The following KLF8 variants were observed in gnomAD, a reference collection of about 807,000 sequenced individuals.
KLF8 encodes the protein Krueppel-like factor 8.
A neutral mutation model predicts 18.2 loss-of-function variants in KLF8; 10 were observed. The ratio of observed to expected loss-of-function variants is 0.55; its 90% CI spans 0.34 to 0.93. The LOEUF (loss-of-function observed/expected upper bound fraction) is 0.93. Ranked by LOEUF, KLF8 falls within the 40% of genes least tolerant of loss-of-function variation. KLF8 has a pLI of 0.02. For synonymous variants in KLF8, 109 were observed against 97.3 expected (o/e 1.12, Z -0.71); for missense variants, 264 against 277.9 (o/e 0.95, Z 0.36).
the KLF8 span, among the ~76,000 whole-genome samples, chrX:56,135,650 T>C: frequency 1.8e-5 from 2 of 110,124 alleles, no homozygotes; most frequent in East Asian, 5.7e-4. Context: ...TGTATACATA[T>C]GTAACTAACC....
At chrX:55,939,780 A>G in the KLF8 span, among the ~76,000 whole-genome samples, 392 of 112,205 alleles carry the variant, frequency 3.5e-3, 1 homozygote, top group Middle Eastern at 0.014. Context: ...ATCTGGAAGA[A>G]ATGGATAAAT....
the KLF8 span, among the ~76,000 whole-genome samples, chrX:56,107,949 T>A: frequency 8.9e-6 from 1 of 112,036 alleles, no homozygotes; most frequent in Admixed American, 9.5e-5. Flanking sequence ...TATTCCCAAT[T>A]TTTATTTGTA....
At chrX:56,271,002 C>G (rs750056698) in intron 5 of KLF8, among the ~76,000 whole-genome samples, 88 of 111,636 alleles carry the variant, frequency 7.9e-4, no homozygotes, top group African/African-American at 2.7e-3. Context: ...ACAAAAATAA[C>G]AATACAACAA....
the KLF8 span, among the ~76,000 whole-genome samples, chrX:56,118,514 T>C: frequency 2.7e-5 from 3 of 111,271 alleles, no homozygotes; most frequent in Non-Finnish European, 5.7e-5. Flanking sequence ...ACTTGTTTAC[T>C]ACAATGTTTG....
At chrX:56,265,831 C>G in intron 3 of KLF8, 87 bp downstream of exon 3, 1 of 1,108,132 alleles carries the variant, frequency 9.0e-7, no homozygotes, top group East Asian at 3.2e-5. Flanking sequence ...TTCACTTCCT[C>G]CAATTATTCT....
chrX:56,024,944 T>G, the KLF8 span, among the ~76,000 whole-genome samples: 1 of 112,139 alleles, frequency 8.9e-6, no homozygotes, highest in East Asian at 2.8e-4. Flanking sequence ...CACCTTGGCC[T>G]CCCAAAGTAC....
the KLF8 span, among the ~76,000 whole-genome samples, chrX:56,204,055 A>G: frequency 3.6e-5 from 4 of 111,302 alleles, no homozygotes; most frequent in African/African-American, 1.3e-4. Flanking sequence ...CCAATTTTGA[A>G]CATGGAATAT....
chrX:56,164,527 G>T, the KLF8 span, among the ~76,000 whole-genome samples: 2 of 94,265 alleles, frequency 2.1e-5, no homozygotes, highest in Non-Finnish European at 4.2e-5. Flanking sequence ...AAACTATGAG[G>T]TTGCATTGCA....
At chrX:55,940,552 A>G in the KLF8 span, among the ~76,000 whole-genome samples, 24,153 of 111,160 alleles carry the variant, frequency 0.22, 5,437 homozygotes, top group African/African-American at 0.69. Context: ...AGAAAGAAAT[A>G]AAGGACATTC....
chrX:55,998,279 G>A, the KLF8 span, among the ~76,000 whole-genome samples: 1 of 110,627 alleles, frequency 9.0e-6, no homozygotes, highest in Non-Finnish European at 1.9e-5. Context: ...CAAGAGGCAT[G>A]CCTTCCTCTT....
At chrX:55,987,771 A>G in the KLF8 span, among the ~76,000 whole-genome samples, 3 of 112,255 alleles carry the variant, frequency 2.7e-5, no homozygotes, top group African/African-American at 9.7e-5. Flanking sequence ...CTGAGGAATC[A>G]CCACACTGAC....
chrX:56,022,579 A>T, the KLF8 span, among the ~76,000 whole-genome samples: 3 of 108,367 alleles, frequency 2.8e-5, no homozygotes, highest in East Asian at 2.8e-4. Flanking sequence ...GAAGAAAAAA[A>T]AAAGAAAAAT....
chrX:55,910,792 G>C, the KLF8 span, among the ~76,000 whole-genome samples: 19 of 112,273 alleles, frequency 1.7e-4, no homozygotes, highest in Middle Eastern at 4.6e-3. Context: ...GGAATCTAAT[G>C]CTCCTTTAAG....
the KLF8 span, among the ~76,000 whole-genome samples, chrX:55,933,088 C>T: frequency 9.0e-6 from 1 of 111,348 alleles, no homozygotes; most frequent in African/African-American, 3.3e-5. Flanking sequence ...ATTTTTACAT[C>T]TTAAGAAACC....
At chrX:56,190,493 T>G in the KLF8 span, among the ~76,000 whole-genome samples, 1 of 111,596 alleles carries the variant, frequency 9.0e-6, no homozygotes, top group Non-Finnish European at 1.9e-5. Context: ...AATAAATAAT[T>G]ACAGAACATT....
At chrX:56,105,716 G>T in the KLF8 span, among the ~76,000 whole-genome samples, 1 of 110,945 alleles carries the variant, frequency 9.0e-6, no homozygotes, top group African/African-American at 3.3e-5. Flanking sequence ...TGCATTTAAG[G>T]TTAATATTGT....
At chrX:56,024,793 C>A in the KLF8 span, among the ~76,000 whole-genome samples, 1 of 111,716 alleles carries the variant, frequency 9.0e-6, no homozygotes, top group African/African-American at 3.3e-5. Context: ...ATTTTAAAGG[C>A]CTGGTTTTGG....
the KLF8 span, among the ~76,000 whole-genome samples, chrX:56,118,855 G>T: frequency 2.7e-5 from 3 of 111,557 alleles, no homozygotes; most frequent in Non-Finnish European, 5.7e-5. Flanking sequence ...GATTGTTTTT[G>T]ATTGTATTTA....
the KLF8 span, among the ~76,000 whole-genome samples, chrX:56,092,928 C>G: frequency 2.8e-5 from 3 of 107,265 alleles, no homozygotes; most frequent in African/African-American, 1.0e-4. Context: ...CATCGATGGA[C>G]TGGAAACAGC....
Sources: allele counts gnomAD v4.1 joint callset (sites outside exome capture counted in the v4.1 genomes callset), GRCh38; gene constraint gnomAD v4.1.1; transcripts MANE v1.5; gene names NCBI Gene and HGNC (gene_info 2026-07-23, HGNC 2026-07-21).